The following NAV3 variants were observed in gnomAD, a reference collection of about 807,000 sequenced individuals.
NAV3 encodes the protein pore membrane and/or filament interacting like protein 1.
NAV3 carries 87 observed loss-of-function variants against 244.7 expected under a neutral mutation model. The ratio of observed to expected loss-of-function variants is 0.36; its 90% CI spans 0.30 to 0.42. The LOEUF is 0.42. Among genes scored for constraint, NAV3 ranks in the 20% least tolerant of loss-of-function variants. The pLI is 1.00. For missense variants in NAV3, 2,663 were observed against 2,893.3 expected (o/e 0.92, Z 1.83); for synonymous variants, 1,126 against 1,042.2 (o/e 1.08, Z -1.55).
chr12:77,582,979 C>T (rs144811727), intron 2 of NAV3, among the ~76,000 whole-genome samples: 8 of 152,282 alleles, frequency 5.3e-5, no homozygotes, highest in Non-Finnish European at 8.8e-5. Context: ...GAATAGTGTT[C>T]TATATAAATG....
Position 77,745,237 on chromosome 12 carries a change from T to C in NAV3, c.72+172971T>C, listed in dbSNP as rs559558251. ...TACTTTGTTAATGGTAAGTATTGTA[T>C]CATTCTTTCTGCATGCAACTGAGGT... On this transcript the variant is annotated intron_variant, in intron 2 of 8. Transcript: ENST00000550042. 2.6e-5 allele frequency among the ~76,000 whole-genome samples: 4 copies of C among 152,242 alleles called. No homozygotes were observed. The East Asian group carries it at 7.7e-4, about 29-fold the overall frequency.
chr12:77,897,096 A>G (rs1283130049), intron 1 of NAV3, among the ~76,000 whole-genome samples: 2 of 152,222 alleles, frequency 1.3e-5, no homozygotes, highest in African/African-American at 4.8e-5. Context: ...AAGCCCACAC[A>G]TGATTTGTAG....
chr12:78,206,177 G>A (rs1242203334), intron 39 of NAV3, among the ~76,000 whole-genome samples: 1 of 151,100 alleles, frequency 6.6e-6, no homozygotes, highest in Non-Finnish European at 1.5e-5. Context: ...TATATATATA[G>A]ACCTACTTAG....
intron 5 of NAV3, among the ~76,000 whole-genome samples, chr12:77,988,353 T>C (rs1421442202): frequency 6.6e-6 from 1 of 152,182 alleles, no homozygotes; most frequent in African/African-American, 2.4e-5. Flanking sequence ...AAAGCTTTCT[T>C]TCCTTACAAT....
In NAV3 at chr12:77,831,698, C is replaced by T. The variant is rs139509069; in HGVS notation, c.237C>T (p.Asp79=). The change falls in exon 1 of 40, where the codon GAC becomes GAT. Residue 79 remains aspartate, a synonymous_variant. Coordinates refer to ENST00000397909, the MANE Select transcript of NAV3 (RefSeq NM_001024383.2). ...AAGGAAAAGCCAAGGAGAAAGAAGA[C>T]AGCAAGGTTAGTTGCTGAAGTTACC... The part of the protein sequence containing the change: ...PLQGKAKEKE[D]SKIYTDWANH... The T allele has an allele frequency of 7.5e-6, 12 of 1,601,464 alleles. No individual in the cohort carries two copies. The African/African-American group carries it at 1.2e-4, about 16-fold the overall frequency.
At chr12:77,939,147 T>G (rs186324784) in intron 1 of NAV3, among the ~76,000 whole-genome samples, 43 of 152,284 alleles carry the variant, frequency 2.8e-4, no homozygotes, top group Middle Eastern at 3.4e-3. Flanking sequence ...GTTTAAAAAG[T>G]TTTTAACATG....
At chr12:78,125,806 GTATT>G (rs1386266977) in intron 16 of NAV3, among the ~76,000 whole-genome samples, 7 of 152,070 alleles carry the variant, frequency 4.6e-5, no homozygotes, top group Non-Finnish European at 7.4e-5. Context: ...AACTTTAAAT[GTATT>G]TATTCTAATT....
chr12:77,624,836 T>C (rs1871544876), intron 2 of NAV3, among the ~76,000 whole-genome samples: 1 of 152,202 alleles, frequency 6.6e-6, no homozygotes, highest in Non-Finnish European at 1.5e-5. Flanking sequence ...ATTCTTAGTA[T>C]TTCAGTGGCT....
intron 2 of NAV3, among the ~76,000 whole-genome samples, chr12:77,684,212 A>G (rs1874608293): frequency 6.6e-6 from 1 of 152,058 alleles, no homozygotes; most frequent in Admixed American, 6.5e-5. Context: ...TTATGTGTTT[A>G]TTGGCATTCA....
At chr12:77,787,115 C>CTT (rs1186197916) in intron 2 of NAV3, among the ~76,000 whole-genome samples, 7 of 152,040 alleles carry the variant, frequency 4.6e-5, no homozygotes, top group Non-Finnish European at 1.0e-4. Context: ...TTATGTGGCT[C>CTT]ACCTGTCCCA....
chr12:77,731,256 G>T lies in NAV3; in HGVS notation c.72+158990G>T, dbSNP rs151136269. ...TCCTGAGTTTTGGAGGAGAAGGGAG[G>T]ATTCCAGGGGAAGGTCTTTCAGAGA... On this transcript the variant is annotated intron_variant, in intron 2 of 8. Transcript: ENST00000550042. Among the ~76,000 whole-genome samples the T allele has an allele frequency of 9.5e-3, 1,441 of 152,040 alleles. 11 individuals are homozygous for T. The highest frequency in any genetic ancestry group is 0.015 in the Non-Finnish European group (1,048 of 67,930).
At chr12:77,885,193 A>G (rs1186170849) in intron 1 of NAV3, among the ~76,000 whole-genome samples, 5 of 152,134 alleles carry the variant, frequency 3.3e-5, no homozygotes, top group Admixed American at 6.6e-5. Context: ...TAAACTTTTT[A>G]GGAGTTAATA....
chr12:78,046,643 A>G (rs1881844635), intron 9 of NAV3, among the ~76,000 whole-genome samples: 1 of 152,112 alleles, frequency 6.6e-6, no homozygotes, highest in South Asian at 2.1e-4. Context: ...GGAGTGTTTT[A>G]CTTCCAATTA....
At chr12:77,670,899 A>G (rs548435769) in intron 2 of NAV3, among the ~76,000 whole-genome samples, 3 of 152,266 alleles carry the variant, frequency 2.0e-5, no homozygotes, top group South Asian at 2.1e-4. Flanking sequence ...GGGTACTTTC[A>G]CCACTTGTAT....
chr12:77,968,796 C>T, intron 5 of NAV3, 94 bp downstream of exon 5: 1 of 1,210,454 alleles, frequency 8.3e-7, no homozygotes, highest in East Asian at 2.5e-5. Context: ...GAAAAACGTA[C>T]TCATGTGCTT....
At chr12:78,122,934 G>A (rs925068030) in intron 16 of NAV3, among the ~76,000 whole-genome samples, 1 of 149,490 alleles carries the variant, frequency 6.7e-6, no homozygotes, top group Non-Finnish European at 1.5e-5. Context: ...AAAATCAATT[G>A]TCAGCCATGA....
At chr12:77,969,442 C>G (rs1892809704) in intron 5 of NAV3, among the ~76,000 whole-genome samples, 2 of 152,220 alleles carry the variant, frequency 1.3e-5, no homozygotes, top group South Asian at 2.1e-4. Context: ...AGTATGAAAT[C>G]TGAAGGGCAG....
chr12:78,106,754 A>T (rs1052543808), intron 12 of NAV3, among the ~76,000 whole-genome samples: 2 of 152,108 alleles, frequency 1.3e-5, no homozygotes, highest in Non-Finnish European at 2.9e-5. Flanking sequence ...CCATCAGCCC[A>T]CTGGTAACTG....
upstream of NAV3, among the ~76,000 whole-genome samples, chr12:77,828,555 T>C (rs955240875): frequency 6.6e-6 from 1 of 152,204 alleles, no homozygotes; most frequent in African/African-American, 2.4e-5. Context: ...CGTAAGCTAA[T>C]TTTTTACTTT....
Sources: gnomAD v4.1 joint callset for allele counts (sites outside exome capture counted in the v4.1 genomes callset) on GRCh38, gnomAD v4.1.1 for gene constraint, MANE v1.5 for transcripts, NCBI Gene and HGNC (gene_info 2026-07-23, HGNC 2026-07-21) for gene names.